The following ZNF658 variants were observed in gnomAD, a reference collection of about 807,000 sequenced individuals.
The protein encoded by ZNF658 is zinc finger protein 658.
Under a neutral mutation model 78.0 loss-of-function variants are expected in ZNF658, and 46 were observed. The ratio of observed to expected loss-of-function variants is 0.59; its 90% CI spans 0.47 to 0.75. ZNF658 has a LOEUF of 0.75. Ranked by LOEUF, ZNF658 falls within the 30% of genes least tolerant of loss-of-function variation. The pLI, the probability that ZNF658 is intolerant of heterozygous loss-of-function variation, is 0.00. For synonymous variants in ZNF658, 279 were observed against 408.4 expected (o/e 0.68, Z 3.82); for missense variants, 785 against 1,189.3 (o/e 0.66, Z 5.00).
chr9:66,929,040 TCAGA>T (rs1822613912), intron 6 of ZNF658, among the ~76,000 whole-genome samples: 1 of 151,978 alleles, frequency 6.6e-6, no homozygotes, highest in African/African-American at 2.4e-5. Flanking sequence ...TTCCAGGGCC[TCAGA>T]CAGAGACAGA....
intron 4 of ZNF658, among the ~76,000 whole-genome samples, chr9:66,917,309 C>T (rs62561232): frequency 0.56 from 81,827 of 144,904 alleles, 23,915 homozygotes; most frequent in African/African-American, 0.73. Context: ...TGACTGGCCC[C>T]GGAAATAATA....
chr9:66,914,581 C>T (rs1412851772), intron 4 of ZNF658, among the ~76,000 whole-genome samples: 2 of 151,892 alleles, frequency 1.3e-5, no homozygotes, highest in African/African-American at 2.4e-5. Context: ...TAGTTATAGG[C>T]TTTTTATAGA....
chr9:66,913,431 G>GAA (rs56789827), intron 4 of ZNF658, among the ~76,000 whole-genome samples: 5 of 142,246 alleles, frequency 3.5e-5, no homozygotes, highest in African/African-American at 7.7e-5. Context: ...CAAAAGGAAG[G>GAA]AAAAAAAAAA....
intron 4 of ZNF658, among the ~76,000 whole-genome samples, chr9:66,915,397 TA>T (rs200943142): frequency 0.31 from 43,539 of 142,226 alleles, 6,144 homozygotes; most frequent in East Asian, 0.53. Flanking sequence ...CTTTTATAGT[TA>T]AAAAAAAAAA....
downstream of ZNF658, among the ~76,000 whole-genome samples, chr9:66,921,877 C>T (rs1822532862): frequency 2.0e-5 from 3 of 150,440 alleles, no homozygotes; most frequent in Admixed American, 2.0e-4. Flanking sequence ...CTCTTCAAAG[C>T]TGTCGGACAG....
chr9:66,901,071 CAGG>C (rs1396461992), intron 1 of ZNF658: 1 of 152,304 alleles, frequency 6.6e-6, no homozygotes, highest in Non-Finnish European at 1.5e-5. Context: ...TGACGGCGAA[CAGG>C]AGGAGGTTAC....
In ZNF658 at chr9:66,918,708, A is replaced by G. The variant is rs1822414686; in HGVS notation, c.1142A>G (p.Tyr381Cys). 6.2e-7 allele frequency: 1 copy of G among 1,613,998 alleles called. No individual in the cohort carries two copies. Among genetic ancestry groups the G allele is most frequent in the Non-Finnish European group, 8.5e-7 (1 of 1,179,868 alleles). ...HQRIHTEDKF[Y>C]LSDEHGKCRK... is the part of the protein sequence containing the mutation. ...AGAATTCACACAGAAGATAAATTCTACCTTTCTGATGAACATGGGAAATGC... is the reference window on the plus strand; with the variant it reads ...AGAATTCACACAGAAGATAAATTCTGCCTTTCTGATGAACATGGGAAATGC... The change falls in exon 5 of 5, where the codon TAC (tyrosine) becomes TGC (cysteine). Residue 381 changes from tyrosine (Y) to cysteine (C), a missense_variant. Transcript: ENST00000621410.
chr9:66,911,203 T>A (rs1822208361), intron 4 of ZNF658, among the ~76,000 whole-genome samples: 1 of 117,512 alleles, frequency 8.5e-6, no homozygotes, highest in Non-Finnish European at 1.7e-5. Context: ...ATGTTTTAAT[T>A]GAATAATGAT....
At chr9:66,930,790 C>A (rs956248089) in intron 6 of ZNF658, among the ~76,000 whole-genome samples, 3 of 151,018 alleles carry the variant, frequency 2.0e-5, no homozygotes, top group African/African-American at 7.3e-5. Context: ...TAACCTGCAT[C>A]CTTTGCCCAC....
Position 66,914,942 on chromosome 9 carries a change from A to G in ZNF658, c.239-2863A>G, listed in dbSNP as rs1463197993. Among the ~76,000 whole-genome samples the G allele has an allele frequency of 3.9e-5, 6 of 152,270 alleles. No homozygotes were observed. In the East Asian group the frequency reaches 7.7e-4, roughly 20 times the overall value. ...TATAAAATGATTTGGGAAATATTCC[A>G]TCTTTTATTTTCTAGAAGACATTGT... is the stretch of plus-strand genomic sequence containing the variant. On this transcript the variant is annotated intron_variant, in intron 4 of 4. Transcript: ENST00000621410.
At chr9:66,908,517 T>G in intron 3 of ZNF658, 122 bp from the exon 4 acceptor site, 1 of 1,448,132 alleles carries the variant, frequency 6.9e-7, no homozygotes, top group Non-Finnish European at 9.2e-7. Context: ...AACATGTCAT[T>G]ACTTTCCCAT....
In ZNF658 at chr9:66,909,645, T is replaced by A. The variant is rs954339021; in HGVS notation, c.238+911T>A. ...TTATCTGTTTGAGGAACCACCAGAC[T>A]GTTTTTCTAAATGCAGCATTTTTCC... is the stretch of plus-strand genomic sequence containing the variant. On this transcript the variant is annotated intron_variant, in intron 4 of 4. Transcript: ENST00000621410. Among the ~76,000 whole-genome samples, 3 of 152,180 alleles carry A rather than the reference T, an allele frequency of 2.0e-5. No individual in the cohort carries two copies. The East Asian group carries it at 5.8e-4, about 29-fold the overall frequency.
intron 2 of ZNF658, among the ~76,000 whole-genome samples, chr9:66,907,875 C>T (rs1368254796): frequency 1.3e-5 from 2 of 151,668 alleles, no homozygotes; most frequent in Admixed American, 6.6e-5. Flanking sequence ...CCAGACTTCA[C>T]ATATATCTCT....
intron 2 of ZNF658, 66 bp from the exon 3 acceptor site, chr9:66,908,172 G>A (rs1461624649): frequency 1.9e-6 from 3 of 1,611,640 alleles, no homozygotes; most frequent in Non-Finnish European, 2.5e-6. Flanking sequence ...GATATTTTCT[G>A]TGTCACCCAA....
chr9:66,914,713 T>G (rs1180577549), intron 4 of ZNF658, among the ~76,000 whole-genome samples: 2 of 152,268 alleles, frequency 1.3e-5, no homozygotes, highest in East Asian at 3.9e-4. Context: ...AAATGCAGCA[T>G]AAAAACTATA....
Position 66,919,654 on chromosome 9 carries a change from C to T in ZNF658, c.2088C>T (p.Ala696=). The T allele has an allele frequency of 1.9e-6, 3 of 1,611,082 alleles. No homozygotes were observed. The highest frequency in any genetic ancestry group is 2.2e-5 in the East Asian group (1 of 44,750). ...GTAGTGACTGTGAGAAAACTTTTGC[C>T]CATAATTCAGCCCTCAAAATACATC... The part of the protein sequence containing the change: ...YECSDCEKTF[A]HNSALKIHQR... The change falls in exon 5 of 5, where the codon GCC becomes GCT. Residue 696 remains alanine, a synonymous_variant. Transcript: ENST00000621410.
At chr9:66,925,380 G>A (rs1162543924), downstream of ZNF658, among the ~76,000 whole-genome samples, 1 of 151,954 alleles carries the variant, frequency 6.6e-6, no homozygotes, top group East Asian at 1.9e-4. Flanking sequence ...TAAGAAGAAG[G>A]AAGACAAAAA....
chr9:66,915,305 C>T (rs1446337483), intron 4 of ZNF658, among the ~76,000 whole-genome samples: 1 of 151,648 alleles, frequency 6.6e-6, no homozygotes, highest in African/African-American at 2.4e-5. Flanking sequence ...TAACATTTGA[C>T]ATAGAATATA....
intron 6 of ZNF658, among the ~76,000 whole-genome samples, chr9:66,927,405 A>G (rs1185058724): frequency 6.6e-6 from 1 of 152,108 alleles, no homozygotes; most frequent in Non-Finnish European, 1.5e-5. Flanking sequence ...GTTTGTGGGA[A>G]TACACGATGG....
Sources: allele counts gnomAD v4.1 joint callset (sites outside exome capture counted in the v4.1 genomes callset), GRCh38; gene constraint gnomAD v4.1.1; transcripts MANE v1.5; gene names NCBI Gene and HGNC (gene_info 2026-07-23, HGNC 2026-07-21).